Variants in ARHGAP18 observed in about 807,000 individuals in gnomAD.
ARHGAP18 encodes the protein Rho GTPase activating protein 18, also known as rho GTPase-activating protein 18.
ARHGAP18 carries 67 observed loss-of-function variants against 86.2 expected under a neutral mutation model. The observed-to-expected ratio is 0.78, with a 90% CI of 0.64 to 0.95. The LOEUF (loss-of-function observed/expected upper bound fraction) is 0.95, where lower values mean the gene tolerates loss of function less well. ARHGAP18 is among the 40% of genes least tolerant of loss of function. The pLI is 0.00. For synonymous variants in ARHGAP18, 283 were observed against 280.4 expected (o/e 1.01, Z -0.09); for missense variants, 691 against 780.4 (o/e 0.89, Z 1.37).
intron 1 of ARHGAP18, among the ~76,000 whole-genome samples, chr6:129,647,259 T>G (rs1773600034): frequency 6.6e-6 from 1 of 152,192 alleles, no homozygotes; most frequent in Admixed American, 6.5e-5. Flanking sequence ...TGCCTTAATG[T>G]GCCTTTGTCA....
At chr6:129,684,338 CTG>C (rs1481812899) in intron 1 of ARHGAP18, among the ~76,000 whole-genome samples, 1 of 152,170 alleles carries the variant, frequency 6.6e-6, no homozygotes, top group African/African-American at 2.4e-5. Flanking sequence ...ACTACACAAA[CTG>C]TTGCTTTAAG....
At chr6:129,622,336 C>CT (rs1020644133) in intron 5 of ARHGAP18, among the ~76,000 whole-genome samples, 4 of 151,862 alleles carry the variant, frequency 2.6e-5, no homozygotes, top group African/African-American at 7.3e-5. Context: ...CCATATTTAC[C>CT]TTTTTTTTAA....
intron 1 of ARHGAP18, among the ~76,000 whole-genome samples, chr6:129,647,037 T>G (rs1449590627): frequency 6.6e-6 from 1 of 152,204 alleles, no homozygotes; most frequent in Non-Finnish European, 1.5e-5. Flanking sequence ...GACTTATTTC[T>G]TTGTTTTTGT....
At chr6:129,625,033 ATATT>A (rs1789321366) in intron 5 of ARHGAP18, among the ~76,000 whole-genome samples, 1 of 76,414 alleles carries the variant, frequency 1.3e-5, no homozygotes, top group African/African-American at 7.3e-5. Flanking sequence ...TATATGATAT[ATATT>A]TATATAATAT....
chr6:129,618,940 G>A lies in ARHGAP18; in HGVS notation c.787-88C>T, dbSNP rs1789154038. 2.2e-5 allele frequency: 26 copies of A among 1,164,266 alleles called. No individual in the cohort carries two copies. In the South Asian group the frequency reaches 2.9e-4, roughly 13 times the overall value. The allele number at this position is 1,164,266 out of a possible 1,614,324, so 72.1% of individuals were successfully genotyped here. On this transcript the variant is annotated intron_variant, in intron 5 of 14. Transcript: ENST00000368149. ...AAGGAAAAACCAACTACAGAAAGAA[G>A]TTATACTCAGAATAAGTGATAAGAA...
At chr6:129,622,798 C>T (rs537289071) in intron 5 of ARHGAP18, among the ~76,000 whole-genome samples, 12 of 151,946 alleles carry the variant, frequency 7.9e-5, no homozygotes, top group African/African-American at 9.7e-5. Context: ...GTCAGGAGTT[C>T]GAGACCAGCC....
chr6:129,600,599 G>C, intron 11 of ARHGAP18, 43 bp downstream of exon 11: 1 of 1,497,068 alleles, frequency 6.7e-7, no homozygotes, highest in Non-Finnish European at 9.1e-7. Flanking sequence ...CATGCAATTT[G>C]TTTTTTAAAC....
chr6:129,629,420 G>T lies in ARHGAP18; in HGVS notation c.719C>A (p.Ala240Glu). 6.2e-7 allele frequency: 1 copy of T among 1,613,940 alleles called. No homozygotes were observed. Among genetic ancestry groups the T allele is most frequent in the African/African-American group, 1.3e-5 (1 of 74,982 alleles). Residue 240 changes from alanine (A) to glutamate (E), a missense_variant, in exon 5 of 15, where the codon GCA becomes GAA. Physicochemically the swap from Ala to Glu is moderately radical, Grantham distance 107 (BLOSUM62 -1). Transcript: ENST00000368149. ...INLEVSFAEQ[A>E]LNQKESSKEK... Reference sequence around the variant, plus strand: ...CTTGGAGCTCTCTTTCTGATTGAGTGCTTGCTCGGCAAATGATACCTCCAG... The same window carrying T: ...CTTGGAGCTCTCTTTCTGATTGAGTTCTTGCTCGGCAAATGATACCTCCAG...
chr6:129,705,397 A>G (rs1471988210), intron 1 of ARHGAP18, among the ~76,000 whole-genome samples: 1 of 152,202 alleles, frequency 6.6e-6, no homozygotes, highest in Non-Finnish European at 1.5e-5. Flanking sequence ...CCCACATTCT[A>G]TCTTGCCATA....
At chr6:129,588,686 G>C (rs923812343) in intron 12 of ARHGAP18, among the ~76,000 whole-genome samples, 2 of 152,226 alleles carry the variant, frequency 1.3e-5, no homozygotes, top group Non-Finnish European at 2.9e-5. Flanking sequence ...CAGTGTCCCA[G>C]TGGGGACTCT....
At chr6:129,600,064 T>C (rs1050974806) in intron 11 of ARHGAP18, among the ~76,000 whole-genome samples, 2 of 152,130 alleles carry the variant, frequency 1.3e-5, no homozygotes, top group African/African-American at 4.8e-5. Context: ...CAAATTAATG[T>C]TTGGAAGCTC....
At chr6:129,613,601 T>C (rs1379598126) in intron 7 of ARHGAP18, among the ~76,000 whole-genome samples, 1 of 152,204 alleles carries the variant, frequency 6.6e-6, no homozygotes, top group Non-Finnish European at 1.5e-5. Context: ...TTTCTGCATT[T>C]TAATATTTGA....
intron 1 of ARHGAP18, among the ~76,000 whole-genome samples, chr6:129,688,368 T>C (rs1452404024): frequency 6.6e-6 from 1 of 152,216 alleles, no homozygotes; most frequent in Admixed American, 6.5e-5. Context: ...TGTAACATTA[T>C]AATAATTATA....
chr6:129,606,948 C>T (rs906816664), intron 9 of ARHGAP18, among the ~76,000 whole-genome samples: 1 of 151,782 alleles, frequency 6.6e-6, no homozygotes, highest in African/African-American at 2.4e-5. Flanking sequence ...GCAACCTCCA[C>T]CTCTCAGGTT....
intron 3 of ARHGAP18, among the ~76,000 whole-genome samples, chr6:129,637,279 G>T (rs934698404): frequency 6.6e-6 from 1 of 152,014 alleles, no homozygotes; most frequent in Non-Finnish European, 1.5e-5. Flanking sequence ...TGCCCAGGCT[G>T]GTCTCGAACT....
intron 1 of ARHGAP18, among the ~76,000 whole-genome samples, chr6:129,676,997 G>A (rs1194405703): frequency 8.5e-6 from 1 of 117,740 alleles, no homozygotes; most frequent in Non-Finnish European, 1.6e-5. Flanking sequence ...CTGAATTTTT[G>A]TATCACTAAG....
chr6:129,642,651 G>C (rs1031455556), intron 1 of ARHGAP18, among the ~76,000 whole-genome samples: 1 of 152,088 alleles, frequency 6.6e-6, no homozygotes, highest in African/African-American at 2.4e-5. Context: ...ATTAAATCTT[G>C]ATTACAGACT....
intron 8 of ARHGAP18, among the ~76,000 whole-genome samples, chr6:129,610,001 C>T (rs1788944595): frequency 6.6e-6 from 1 of 152,174 alleles, no homozygotes; most frequent in South Asian, 2.1e-4. Context: ...ACACTTAGTC[C>T]TGATCCAGCT....
At chr6:129,620,384 T>C (rs981040006) in intron 5 of ARHGAP18, among the ~76,000 whole-genome samples, 4 of 152,232 alleles carry the variant, frequency 2.6e-5, no homozygotes, top group Non-Finnish European at 5.9e-5. Flanking sequence ...AACTTGTATA[T>C]TACTTTCACT....
Sources: allele counts gnomAD v4.1 joint callset (sites outside exome capture counted in the v4.1 genomes callset), GRCh38; gene constraint gnomAD v4.1.1; transcripts MANE v1.5; gene names NCBI Gene and HGNC (gene_info 2026-07-23, HGNC 2026-07-21).